PPM1E: variants seen among roughly 807,000 people sequenced by gnomAD.
PPM1E encodes the protein protein phosphatase 1E.
PPM1E carries 20 observed loss-of-function variants against 65.9 expected under a neutral mutation model. The observed-to-expected ratio is 0.30, with a 90% CI of 0.21 to 0.44. The LOEUF (loss-of-function observed/expected upper bound fraction) is 0.44, where lower values mean the gene tolerates loss of function less well. Among genes scored for constraint, PPM1E ranks in the 20% least tolerant of loss-of-function variants. The pLI is 1.00. For synonymous variants in PPM1E, 352 were observed against 374.9 expected, an observed-to-expected ratio of 0.94 and a Z score of 0.70; for missense variants, 713 against 953.1, an observed-to-expected ratio of 0.75 and a Z score of 3.32.
chr17:58,777,173 C>T (rs982886205), intron 1 of PPM1E, among the ~76,000 whole-genome samples: 15 of 152,106 alleles, frequency 9.9e-5, no homozygotes, highest in Non-Finnish European at 8.8e-5. Context: ...CTGCAGTGAA[C>T]CATTCAACCA....
intron 1 of PPM1E, among the ~76,000 whole-genome samples, chr17:58,864,664 G>A (rs990506929): frequency 1.3e-5 from 2 of 151,422 alleles, no homozygotes; most frequent in Non-Finnish European, 2.9e-5. Context: ...ATGGCTGGGC[G>A]CAGTGGCTCA....
intron 1 of PPM1E, among the ~76,000 whole-genome samples, chr17:58,931,780 A>G (rs1327113987): frequency 6.6e-6 from 1 of 152,174 alleles, no homozygotes; most frequent in Non-Finnish European, 1.5e-5. Context: ...AAGGCAACAG[A>G]TGTTTTTGAA....
chr17:58,973,330 T>C (rs2030763392), intron 6 of PPM1E, among the ~76,000 whole-genome samples: 1 of 151,620 alleles, frequency 6.6e-6, no homozygotes, highest in South Asian at 2.1e-4. Context: ...GGCAGGAATA[T>C]TGCTTGAACC....
chr17:58,847,027 T>C (rs2050778559), intron 1 of PPM1E, among the ~76,000 whole-genome samples: 1 of 152,250 alleles, frequency 6.6e-6, no homozygotes, highest in East Asian at 1.9e-4. Context: ...CCAGTGATGT[T>C]GAGCATTTTT....
intron 1 of PPM1E, among the ~76,000 whole-genome samples, chr17:58,794,888 CTTT>C (rs35841208): frequency 7.6e-5 from 10 of 131,564 alleles, no homozygotes; most frequent in Non-Finnish European, 6.5e-5. Flanking sequence ...GTACATGTGT[CTTT>C]TTTTTTTTTT....
At chr17:58,841,435 A>G (rs2050716414) in intron 1 of PPM1E, among the ~76,000 whole-genome samples, 1 of 152,146 alleles carries the variant, frequency 6.6e-6, no homozygotes, top group Non-Finnish European at 1.5e-5. Flanking sequence ...TACCCTCAAT[A>G]TGCTATGATG....
chr17:58,903,895 T>C (rs187423092), intron 1 of PPM1E, among the ~76,000 whole-genome samples: 1 of 152,314 alleles, frequency 6.6e-6, no homozygotes, highest in East Asian at 1.9e-4. Context: ...ATTTTCCAAA[T>C]AAATATATAA....
intron 1 of PPM1E, among the ~76,000 whole-genome samples, chr17:58,831,893 TCTG>T (rs1324729323): frequency 3.3e-5 from 5 of 152,230 alleles, no homozygotes; most frequent in Non-Finnish European, 7.3e-5. Context: ...ATGTGTGCAG[TCTG>T]CTATTTTGAA....
At chr17:58,810,139 C>G (rs2143091167) in intron 1 of PPM1E, among the ~76,000 whole-genome samples, 1 of 152,224 alleles carries the variant, frequency 6.6e-6, no homozygotes, top group Non-Finnish European at 1.5e-5. Context: ...GTGTGGATAG[C>G]ACAGATCTAG....
At chr17:58,895,593 G>A (rs949390769) in intron 1 of PPM1E, among the ~76,000 whole-genome samples, 1 of 151,952 alleles carries the variant, frequency 6.6e-6, no homozygotes, top group Admixed American at 6.6e-5. Flanking sequence ...GATCACTTGA[G>A]CCCAGGAGTT....
chr17:58,982,278 C>A lies in PPM1E; in HGVS notation c.*1247C>A, dbSNP rs1206095011. 1 of 152,388 alleles carries A rather than the reference C, an allele frequency of 6.6e-6. No individual in the cohort carries two copies. The highest frequency in any genetic ancestry group is 2.4e-5 in the African/African-American group (1 of 41,444). The allele number at this position is 152,388 out of a possible 1,614,324, so 9.4% of individuals were successfully genotyped here. On this transcript the variant is annotated 3_prime_UTR_variant, in exon 7 of 7. Transcript: ENST00000308249. ...TGAAACTGTCTGCTTTTTGCTATTT[C>A]TGCAGTTTCAAGTTAGTTAGAAGCA...
chr17:58,767,102 G>A (rs2049887943), intron 1 of PPM1E, among the ~76,000 whole-genome samples: 1 of 152,108 alleles, frequency 6.6e-6, no homozygotes, highest in East Asian at 1.9e-4. Context: ...AACTTGCAGA[G>A]GGTCAGCATT....
rs2031402109 is a variant in PPM1E, at chr17:58,982,282, A to C, written c.*1251A>C. On this transcript the variant is annotated 3_prime_UTR_variant, in exon 7 of 7. Transcript: ENST00000308249. ...ACTGTCTGCTTTTTGCTATTTCTGC[A>C]GTTTCAAGTTAGTTAGAAGCATGTT... 1 of 152,432 alleles carries C rather than the reference A, an allele frequency of 6.6e-6. No individual in the cohort carries two copies. The highest frequency in any genetic ancestry group is 2.4e-5 in the African/African-American group (1 of 41,476). The allele number at this position is 152,432 out of a possible 1,614,324, so 9.4% of individuals were successfully genotyped here.
At chr17:58,913,255 C>A (rs1468384048) in intron 1 of PPM1E, among the ~76,000 whole-genome samples, 1 of 151,958 alleles carries the variant, frequency 6.6e-6, no homozygotes, top group African/African-American at 2.4e-5. Flanking sequence ...GTGGGGAAAA[C>A]CCCCACAACA....
chr17:58,803,153 T>C (rs2050274427), intron 1 of PPM1E, among the ~76,000 whole-genome samples: 1 of 152,234 alleles, frequency 6.6e-6, no homozygotes, highest in African/African-American at 2.4e-5. Context: ...GTCTTGTTCC[T>C]GATCTTAAAG....
chr17:58,895,901 C>T (rs1420964814), intron 1 of PPM1E, among the ~76,000 whole-genome samples: 3 of 148,154 alleles, frequency 2.0e-5, no homozygotes, highest in African/African-American at 5.0e-5. Context: ...GTCAGGAGAT[C>T]GAGACCATCC....
At chr17:58,792,618 G>A (rs539837378) in intron 1 of PPM1E, among the ~76,000 whole-genome samples, 1 of 151,318 alleles carries the variant, frequency 6.6e-6, no homozygotes, top group Non-Finnish European at 1.5e-5. Context: ...CTGAATGCTG[G>A]GACTACAAGC....
chr17:58,770,374 A>G (rs1412776307), intron 1 of PPM1E, among the ~76,000 whole-genome samples: 1 of 152,040 alleles, frequency 6.6e-6, no homozygotes, highest in African/African-American at 2.4e-5. Flanking sequence ...ATTAAAATAT[A>G]ATTGAGCTGG....
intron 6 of PPM1E, among the ~76,000 whole-genome samples, chr17:58,976,160 T>C (rs1395005989): frequency 6.6e-6 from 1 of 151,920 alleles, no homozygotes; most frequent in Non-Finnish European, 1.5e-5. Flanking sequence ...AGAGAGCAAG[T>C]AGAGGAGAAA....
Sources: gnomAD v4.1 joint callset for allele counts (sites outside exome capture counted in the v4.1 genomes callset) on GRCh38, gnomAD v4.1.1 for gene constraint, MANE v1.5 for transcripts, NCBI Gene and HGNC (gene_info 2026-07-23, HGNC 2026-07-21) for gene names.